The following HYDIN variants were observed in gnomAD, a reference collection of about 807,000 sequenced individuals.
HYDIN encodes the protein HYDIN axonemal central pair apparatus protein, also known as axonemal central pair apparatus protein HYDIN.
HYDIN carries 132 observed loss-of-function variants against 403.9 expected under a neutral mutation model. That is an observed-to-expected ratio of 0.33 (90% confidence interval 0.28 to 0.38). The LOEUF (loss-of-function observed/expected upper bound fraction) is 0.38, where lower values mean the gene tolerates loss of function less well. HYDIN is among the 10% of genes least tolerant of loss of function. The pLI, the probability that HYDIN is intolerant of heterozygous loss-of-function variation, is 1.00. For synonymous variants in HYDIN, 1,202 were observed against 1,891.7 expected, an observed-to-expected ratio of 0.64 and a Z score of 9.46; for missense variants, 2,827 against 5,009.5, an observed-to-expected ratio of 0.56 and a Z score of 13.15.
At chr16:70,936,768 G>A (rs1597365856) in intron 44 of HYDIN, among the ~76,000 whole-genome samples, 2 of 148,486 alleles carry the variant, frequency 1.3e-5, no homozygotes, top group Admixed American at 6.7e-5. Flanking sequence ...ATGACCTCAG[G>A]TGATCCTCCT....
At chr16:71,148,717 T>C (rs2085415953) in intron 7 of HYDIN, among the ~76,000 whole-genome samples, 1 of 147,744 alleles carries the variant, frequency 6.8e-6, no homozygotes, top group Non-Finnish European at 1.5e-5. Flanking sequence ...ATATTCACAA[T>C]AATTATTTCT....
chr16:71,163,431 T>C (rs1290000553), intron 5 of HYDIN, among the ~76,000 whole-genome samples: 1 of 152,194 alleles, frequency 6.6e-6, no homozygotes, highest in East Asian at 1.9e-4. Context: ...CCGATGTTTC[T>C]AACTAATGGC....
At chr16:71,027,203 G>A (rs979242782) in intron 20 of HYDIN, 8 of 1,095,398 alleles carry the variant, frequency 7.3e-6, no homozygotes, top group Non-Finnish European at 8.9e-6. Context: ...GAACAGGGAT[G>A]TCCCAATACC....
chr16:71,191,316 T>C (rs866760148), intron 1 of HYDIN, among the ~76,000 whole-genome samples: 5 of 152,198 alleles, frequency 3.3e-5, no homozygotes, highest in South Asian at 2.1e-4. Context: ...TGATTTTTTG[T>C]AAAAGTTATT....
chr16:71,136,690 C>G (rs2084933375), intron 8 of HYDIN, among the ~76,000 whole-genome samples: 1 of 147,712 alleles, frequency 6.8e-6, no homozygotes, highest in Non-Finnish European at 1.5e-5. Context: ...TTGCTTGAAC[C>G]CAGGAGGCAG....
intron 73 of HYDIN, chr16:70,852,791 T>G (rs1011548289): frequency 1.3e-5 from 2 of 152,214 alleles, no homozygotes; most frequent in African/African-American, 4.8e-5. Context: ...AATAAGCACA[T>G]GTAAAGATGT....
At position 70,834,976 on chromosome 16, in the gene HYDIN, G is replaced by GTATA. The variant is rs139272178; in HGVS notation, c.13401+696_13401+699dup. Among the ~76,000 whole-genome samples, 55 of 132,246 alleles carry GTATA rather than the reference G, an allele frequency of 4.2e-4. No homozygotes were observed. The East Asian group carries it at 6.7e-3, about 16-fold the overall frequency. The allele number at this position is 132,246 out of a possible 152,430, so 86.8% of individuals were successfully genotyped here. ...TATATATATACACACATATATGTGTGTATATATATATATATACACACATAT... is the reference window on the plus strand; with the variant it reads ...TATATATATACACACATATATGTGTGTATATATATATATATATATACACACATAT... On this transcript the variant is annotated intron_variant, in intron 78 of 85. Transcript: ENST00000393567.
At chr16:71,115,196 T>C (rs1006472260) in intron 10 of HYDIN, among the ~76,000 whole-genome samples, 4 of 151,812 alleles carry the variant, frequency 2.6e-5, no homozygotes, top group African/African-American at 9.7e-5. Flanking sequence ...GTTTCCCCCT[T>C]GTTGTTTTTG....
At position 71,064,771 on chromosome 16, in the gene HYDIN, C is replaced by A; in HGVS notation, c.2145G>T (p.Pro715=). The A allele has an allele frequency of 1.9e-6, 3 of 1,613,938 alleles. No individual in the cohort carries two copies. The highest frequency in any genetic ancestry group is 2.5e-6 in the Non-Finnish European group (3 of 1,179,966). The change falls in exon 16 of 86, where the codon CCG becomes CCT. Residue 715 remains proline, a synonymous_variant. Coordinates refer to ENST00000393567, the MANE Select transcript of HYDIN (RefSeq NM_001270974.2). ...VDFGHCFLKY[P]YEKTLQLANQ... ...TGGCAAGCTGGAGTGTTTTCTCATACGGGTACTTCAGGAAGCAGTGCCCAA... is the reference window on the plus strand; with the variant it reads ...TGGCAAGCTGGAGTGTTTTCTCATAAGGGTACTTCAGGAAGCAGTGCCCAA...
At position 70,829,843 on chromosome 16, in the gene HYDIN, A is replaced by T; in HGVS notation, c.13900-13T>A. 1 of 1,612,378 alleles carries T rather than the reference A, an allele frequency of 6.2e-7. No homozygotes were observed. Among genetic ancestry groups the T allele is most frequent in the South Asian group, 1.1e-5 (1 of 90,786 alleles). On this transcript the variant is annotated splice_polypyrimidine_tract_variant and intron_variant, in intron 80 of 85. Coordinates refer to ENST00000393567, the MANE Select transcript of HYDIN (RefSeq NM_001270974.2). The stretch of plus-strand genomic sequence containing the variant: ...TGAAATTCACTACCTGGAAGAAAGC[A>T]GGCACCTCATCTTCCATGGCACTTC...
chr16:70,926,472 G>A (rs1434591085), intron 45 of HYDIN, among the ~76,000 whole-genome samples: 1 of 151,776 alleles, frequency 6.6e-6, no homozygotes, highest in Non-Finnish European at 1.5e-5. Context: ...GGGGTGGGGG[G>A]AGAGGGGAGG....
chr16:71,148,871 G>A (rs548884981), intron 7 of HYDIN, among the ~76,000 whole-genome samples: 12 of 132,254 alleles, frequency 9.1e-5, no homozygotes, highest in Admixed American at 3.0e-4. Flanking sequence ...CTATTCTCCC[G>A]CCTCAGCTTC....
chr16:70,833,817 C>G, intron 79 of HYDIN, 70 bp downstream of exon 79: 1 of 1,066,242 alleles, frequency 9.4e-7, no homozygotes, highest in South Asian at 1.4e-5. Flanking sequence ...ACTTGCAGAA[C>G]AAGTCCAGGG....
intron 54 of HYDIN, 110 bp downstream of exon 54, chr16:70,895,871 C>G: frequency 1.4e-6 from 2 of 1,435,016 alleles, no homozygotes; most frequent in Non-Finnish European, 1.8e-6. Context: ...AAAATTGCCC[C>G]ATGCCCAATC....
chr16:71,184,334 CCTT>C (rs1191780210), intron 3 of HYDIN, among the ~76,000 whole-genome samples: 1 of 152,062 alleles, frequency 6.6e-6, no homozygotes, highest in Non-Finnish European at 1.5e-5. Flanking sequence ...GGAAACCAGA[CCTT>C]CTATAATCAC....
chr16:71,022,461 T>C (rs1342882924), intron 21 of HYDIN, among the ~76,000 whole-genome samples: 2 of 152,190 alleles, frequency 1.3e-5, no homozygotes, highest in East Asian at 3.8e-4. Context: ...AGACCAAATC[T>C]GAGGAAACAG....
chr16:71,094,657 C>T (rs537644265), intron 10 of HYDIN, among the ~76,000 whole-genome samples: 3 of 152,408 alleles, frequency 2.0e-5, no homozygotes, highest in Non-Finnish European at 4.4e-5. Context: ...AGCATTTTTA[C>T]GTACACACAC....
intron 60 of HYDIN, among the ~76,000 whole-genome samples, chr16:70,880,504 TTC>T (rs1394671403): frequency 3.3e-5 from 5 of 152,080 alleles, no homozygotes; most frequent in Admixed American, 6.5e-5. Context: ...TCCGCTGGTC[TTC>T]TAAAGGGCGG....
At chr16:71,219,018 T>C (rs1370721624) in intron 1 of HYDIN, among the ~76,000 whole-genome samples, 1 of 152,202 alleles carries the variant, frequency 6.6e-6, no homozygotes, top group Non-Finnish European at 1.5e-5. Flanking sequence ...TGAGTACTGG[T>C]AATTGTTTTC....
Sources: allele counts gnomAD v4.1 joint callset (sites outside exome capture counted in the v4.1 genomes callset), GRCh38; gene constraint gnomAD v4.1.1; transcripts MANE v1.5; gene names NCBI Gene and HGNC (gene_info 2026-07-23, HGNC 2026-07-21).